The following APOA4 variants were observed in gnomAD, a reference collection of about 807,000 sequenced individuals.
The protein encoded by APOA4 is apolipoprotein A-IV.
Under a neutral mutation model 33.6 loss-of-function variants are expected in APOA4, and 25 were observed. The ratio of observed to expected loss-of-function variants is 0.74; its 90% CI spans 0.54 to 1.04. The LOEUF is 1.04. APOA4 is among the 50% of genes least tolerant of loss of function. The pLI is 0.00. For missense variants in APOA4, 549 were observed against 510.4 expected (o/e 1.08, Z -0.73); for synonymous variants, 228 against 224.0 (o/e 1.02, Z -0.16).
Position 116,821,360 on chromosome 11 carries a change from T to C in APOA4, c.698A>G (p.Lys233Arg), listed in dbSNP as rs1428297974. Residue 233 changes from lysine to arginine, a missense_variant, in exon 3 of 3, where the codon AAG (lysine) becomes AGG (arginine). By Grantham distance (26) the Lys-to-Arg change is conservative. Transcript: ENST00000357780. ...LAPYAQDTQE[K>R]LNHQLEGLTF... Reference sequence around the variant, plus strand: ...CAGGCCCTCAAGCTGGTGGTTGAGCTTCTCCTGCGTGTCCTGAGCATAGGG... The same window carrying C: ...CAGGCCCTCAAGCTGGTGGTTGAGCCTCTCCTGCGTGTCCTGAGCATAGGG... 1.9e-6 allele frequency: 3 copies of C among 1,614,168 alleles called. No homozygotes were observed. The highest frequency in any genetic ancestry group is 2.5e-6 in the Non-Finnish European group (3 of 1,180,004).
Position 116,821,495 on chromosome 11 carries a change from G to T in APOA4, c.563C>A (p.Ala188Asp). 6.2e-7 allele frequency: 1 copy of T among 1,614,006 alleles called. No homozygotes were observed. Reference sequence around the variant, plus strand: ...CTCCTCCACGTTCTGGTCGATCTTGGCCTTGAGCTCGTCGGCGTGGGGCCT... The same window carrying T: ...CTCCTCCACGTTCTGGTCGATCTTGTCCTTGAGCTCGTCGGCGTGGGGCCT... ...SLRPHADELK[A>D]KIDQNVEELK... is the part of the protein sequence containing the mutation. Residue 188 changes from alanine (A) to aspartate (D), a missense_variant, in exon 3 of 3, where the codon GCC becomes GAC. By Grantham distance (126) the Ala-to-Asp change is moderately radical. Transcript: ENST00000357780.
At position 116,821,338 on chromosome 11, in the gene APOA4, G is replaced by A. The variant is rs970154826; in HGVS notation, c.720C>T (p.Gly240=). The A allele has an allele frequency of 1.2e-6, 2 of 1,613,978 alleles. No homozygotes were observed. The highest frequency in any genetic ancestry group is 2.7e-5 in the African/African-American group (2 of 74,934). The change falls in exon 3 of 3, where the codon GGC becomes GGT. Residue 240 remains glycine (G), a synonymous_variant. Transcript: ENST00000357780. The stretch of plus-strand genomic sequence containing the variant: ...CGTTCTTCTTCATCTGGAAGGTCAG[G>A]CCCTCAAGCTGGTGGTTGAGCTTCT... ...TQEKLNHQLE[G]LTFQMKKNAE...
Position 116,823,137 on chromosome 11 carries a change from A to G in APOA4, c.49+6T>C. 1.2e-6 allele frequency: 2 copies of G among 1,613,834 alleles called. No individual in the cohort carries two copies. Among genetic ancestry groups the G allele is most frequent in the Non-Finnish European group, 1.7e-6 (2 of 1,179,948 alleles). On this transcript the variant is annotated splice_donor_region_variant and intron_variant, in intron 1 of 2. Coordinates refer to ENST00000357780, the MANE Select transcript of APOA4 (RefSeq NM_000482.4). ...GGAGTGCCATCCAAAGACAGCTTCT[A>G]CTCACCGGCGACAGCCACCAGGGCC... is the stretch of plus-strand genomic sequence containing the variant.
chr11:116,821,139 C>A lies in APOA4; in HGVS notation c.919G>T (p.Val307Leu). 1.2e-6 allele frequency: 2 copies of A among 1,613,624 alleles called. No individual in the cohort carries two copies. The highest frequency in any genetic ancestry group is 1.7e-6 in the Non-Finnish European group (2 of 1,180,002). ...TTGAAGTTTTCCCCGTAGGGCTCCA[C>A]CCGGCGTCGGAACTCCTCCACCTGC... The part of the protein sequence containing the change: ...DQQVEEFRRR[V>L]EPYGENFNKA... Residue 307 changes from valine to leucine, a missense_variant, in exon 3 of 3, where the codon GTG becomes TTG. Val to Leu is a conservative substitution (Grantham distance 32). Coordinates refer to ENST00000357780, the MANE Select transcript of APOA4 (RefSeq NM_000482.4).
chr11:116,822,925 C>T (rs559696111), intron 1 of APOA4, 140 bp from the exon 2 acceptor site: 2 of 1,469,786 alleles, frequency 1.4e-6, no homozygotes, highest in African/African-American at 1.4e-5. Context: ...TTTTGGAAGC[C>T]ACAGGGATAT....
chr11:116,821,050 C>A lies in APOA4; in HGVS notation c.1008G>T (p.Val336=), dbSNP rs5109. Reference sequence around the variant, plus strand: ...TCTCCAGGAAGCTCAAGTGGCCTTCCACGTCCCCCGCATGGGGGCCCAGTT... The same window carrying A: ...TCTCCAGGAAGCTCAAGTGGCCTTCAACGTCCCCCGCATGGGGGCCCAGTT... ...RQKLGPHAGD[V]EGHLSFLEKD... is the part of the protein sequence containing the mutation. The change falls in exon 3 of 3, where the codon GTG becomes GTT. Residue 336 remains valine, a synonymous_variant. Coordinates refer to ENST00000357780, the MANE Select transcript of APOA4 (RefSeq NM_000482.4). 6,630 of 1,614,188 alleles carry A rather than the reference C, an allele frequency of 4.1e-3. 223 individuals are homozygous for A. The African/African-American group carries it at 0.077, about 19-fold the overall frequency.
At chr11:116,823,104 G>A (rs1941344088) in intron 1 of APOA4, 39 bp downstream of exon 1, 1 of 1,611,728 alleles carries the variant, frequency 6.2e-7, no homozygotes, top group Non-Finnish European at 8.5e-7. Flanking sequence ...ACTCAGAGCA[G>A]CAGCCCAGGA....
chr11:116,822,535 A>G (rs1283474041), intron 2 of APOA4, 124 bp downstream of exon 2: 5 of 1,436,940 alleles, frequency 3.5e-6, no homozygotes, highest in East Asian at 2.3e-5. Context: ...AGGCCCGGCC[A>G]GTTAGTGGCA....
chr11:116,821,582 G>A lies in APOA4; in HGVS notation c.476C>T (p.Pro159Leu), dbSNP rs752265547. 2 of 1,610,398 alleles carry A rather than the reference G, an allele frequency of 1.2e-6. No individual in the cohort carries two copies. Among genetic ancestry groups the A allele is most frequent in the East Asian group, 2.2e-5 (1 of 44,856 alleles). Reference protein sequence around the residue: ...QAEQLRRQLTPYAQRMERVLR... With the variant: ...QAEQLRRQLTLYAQRMERVLR... ...CACTCTCTCCATGCGCTGTGCGTAGGGGGTCAGCTGGCGCCGCAGCTGCTC... is the reference window on the plus strand; with the variant it reads ...CACTCTCTCCATGCGCTGTGCGTAGAGGGTCAGCTGGCGCCGCAGCTGCTC... Residue 159 changes from proline (P) to leucine (L), a missense_variant, in exon 3 of 3, where the codon CCC (proline) becomes CTC (leucine). Pro to Leu is a moderately conservative substitution (Grantham distance 98). Coordinates refer to ENST00000357780, the MANE Select transcript of APOA4 (RefSeq NM_000482.4).
rs759328385 is a variant in APOA4 at position 116,821,031 on chromosome 11, G to A, written c.1027C>T (p.Leu343=). Residue 343 remains leucine (L), a synonymous_variant, in exon 3 of 3, where the codon CTG becomes TTG. Coordinates refer to ENST00000357780, the MANE Select transcript of APOA4 (RefSeq NM_000482.4). ...AGDVEGHLSF[L]EKDLRDKVNS... Reference sequence around the variant, plus strand: ...ACCTTGTCCCTCAGGTCCTTCTCCAGGAAGCTCAAGTGGCCTTCCACGTCC... The same window carrying A: ...ACCTTGTCCCTCAGGTCCTTCTCCAAGAAGCTCAAGTGGCCTTCCACGTCC... The A allele has an allele frequency of 2.5e-6, 4 of 1,614,238 alleles. No homozygotes were observed. Among genetic ancestry groups the A allele is most frequent in the Non-Finnish European group, 3.4e-6 (4 of 1,180,044 alleles).
intron 1 of APOA4, 135 bp downstream of exon 1, chr11:116,823,008 G>A (rs1310370349): frequency 1.5e-6 from 2 of 1,370,904 alleles, no homozygotes; most frequent in Non-Finnish European, 2.1e-6. Context: ...GAGCCACTTG[G>A]CAGCCAGGCA....
rs140631719 is a variant in APOA4, at chr11:116,822,963, T to C, written c.50-178A>G. On this transcript the variant is annotated intron_variant, in intron 1 of 2. Transcript: ENST00000357780. ...GAAACTGGTATAGCACCAATGCCAA[T>C]GGGCCCACCACTGGGACTGGGCCAG... 2.9e-3 allele frequency among the ~76,000 whole-genome samples: 448 copies of C among 152,340 alleles called. 2 individuals carry two copies. The highest frequency in any genetic ancestry group is 4.1e-3 in the South Asian group (20 of 4,830).
Position 116,821,320 on chromosome 11 carries a change from C to T in APOA4, c.738G>A (p.Lys246=). Reference sequence around the variant, plus strand: ...TGGCCTTGAGCTCCTCGGCGTTCTTCTTCATCTGGAAGGTCAGGCCCTCAA... The same window carrying T: ...TGGCCTTGAGCTCCTCGGCGTTCTTTTTCATCTGGAAGGTCAGGCCCTCAA... ...HQLEGLTFQM[K]KNAEELKARI... The change falls in exon 3 of 3, where the codon AAG becomes AAA. Residue 246 remains lysine (K), a synonymous_variant. Coordinates refer to ENST00000357780, the MANE Select transcript of APOA4 (RefSeq NM_000482.4). 1 of 1,614,096 alleles carries T rather than the reference C, an allele frequency of 6.2e-7. No homozygotes were observed. Among genetic ancestry groups the T allele is most frequent in the Non-Finnish European group, 8.5e-7 (1 of 1,180,022 alleles).
In APOA4 at chr11:116,822,637, C is replaced by T. The variant is rs2239013; in HGVS notation, c.176+22G>A. ...GCCTTTAAGAATTCCCCGTCACCAC[C>T]GCACACTGTAGTCCCTCTTACTTGA... On this transcript the variant is annotated intron_variant, in intron 2 of 2. Coordinates refer to ENST00000357780, the MANE Select transcript of APOA4 (RefSeq NM_000482.4). 0.065 allele frequency: 105,691 copies of T among 1,614,040 alleles called. 3,843 individuals are homozygous for T. Among genetic ancestry groups the T allele is most frequent in the South Asian group, 0.11 (10,036 of 91,074 alleles).
Position 116,821,252 on chromosome 11 carries a change from G to A in APOA4, c.806C>T (p.Pro269Leu), listed in dbSNP as rs1455592368. The A allele has an allele frequency of 6.2e-7, 1 of 1,613,182 alleles. No individual in the cohort carries two copies. The highest frequency in any genetic ancestry group is 1.7e-5 in the Admixed American group (1 of 60,030). ...GTTGCCACGCACGTCCTCGGCCAAG[G>A]GCGCCAGCCTCTGCCGCAGCTCCTC... ...SAEELRQRLA[P>L]LAEDVRGNLR... Residue 269 changes from proline to leucine, a missense_variant, in exon 3 of 3, where the codon CCC becomes CTC. Physicochemically the swap from Pro to Leu is moderately conservative, Grantham distance 98. Coordinates refer to ENST00000357780, the MANE Select transcript of APOA4 (RefSeq NM_000482.4).
chr11:116,822,121 T>C (rs113980113), intron 2 of APOA4, among the ~76,000 whole-genome samples: 3 of 152,312 alleles, frequency 2.0e-5, no homozygotes, highest in African/African-American at 7.2e-5. Flanking sequence ...CTACCCACCA[T>C]GTCACCTCCA....
In APOA4 at chr11:116,823,218, G is replaced by T; in HGVS notation, c.-27C>A. 6.2e-7 allele frequency: 1 copy of T among 1,614,032 alleles called. No homozygotes were observed. The highest frequency in any genetic ancestry group is 1.7e-4 in the Middle Eastern group (1 of 6,056). ...CTGAGCTGCTTGCTGGGCTGGAGGA[G>T]TTTCTTGCCACACTGGATCCTCCCT... On this transcript the variant is annotated 5_prime_UTR_variant, in exon 1 of 3. Coordinates refer to ENST00000357780, the MANE Select transcript of APOA4 (RefSeq NM_000482.4).
Position 116,821,895 on chromosome 11 carries a change from C to T in APOA4, c.177-14G>A. 1 of 1,612,152 alleles carries T rather than the reference C, an allele frequency of 6.2e-7. No homozygotes were observed. Among genetic ancestry groups the T allele is most frequent in the Non-Finnish European group, 8.5e-7 (1 of 1,180,030 alleles). The stretch of plus-strand genomic sequence containing the variant: ...TGGAAGAGGGCACTGTGGGGAAGGG[C>T]ACAAGGAGGCCACGTTACATTTGGC... On this transcript the variant is annotated splice_polypyrimidine_tract_variant and intron_variant, in intron 2 of 2. Transcript: ENST00000357780.
rs1042372 is a variant in APOA4, at chr11:116,821,222, C to T, written c.836G>A (p.Arg279Lys). 1.2e-6 allele frequency: 2 copies of T among 1,613,234 alleles called. No individual in the cohort carries two copies. Among genetic ancestry groups the T allele is most frequent in the Middle Eastern group, 1.6e-4 (1 of 6,062 alleles). Residue 279 changes from arginine (R) to lysine (K), a missense_variant, in exon 3 of 3, where the codon AGG becomes AAG. By Grantham distance (26) the Arg-to-Lys change is conservative (BLOSUM62 2). Transcript: ENST00000357780. ...PLAEDVRGNL[R>K]GNTEGLQKSL... ...CTTCTGCAGCCCCTCGGTGTTGCCC[C>T]TCAGGTTGCCACGCACGTCCTCGGC...
Sources: gnomAD v4.1 joint callset for allele counts (sites outside exome capture counted in the v4.1 genomes callset) on GRCh38, gnomAD v4.1.1 for gene constraint, MANE v1.5 for transcripts, NCBI Gene and HGNC (gene_info 2026-07-23, HGNC 2026-07-21) for gene names.